BLMH: variants seen among roughly 807,000 people sequenced by gnomAD.
BLMH encodes the protein bleomycin hydrolase.
Under a neutral mutation model 61.6 loss-of-function variants are expected in BLMH, and 32 were observed. The observed-to-expected ratio is 0.52, with a 90% CI of 0.39 to 0.70. The LOEUF (loss-of-function observed/expected upper bound fraction) is 0.70, where lower values mean the gene tolerates loss of function less well. Among genes scored for constraint, BLMH ranks in the 30% least tolerant of loss-of-function variants. The pLI, the probability that BLMH is intolerant of heterozygous loss-of-function variation, is 0.00. For missense variants in BLMH, 460 were observed against 555.5 expected, an observed-to-expected ratio of 0.83 and a Z score of 1.73; for synonymous variants, 183 against 193.8, an observed-to-expected ratio of 0.94 and a Z score of 0.46.
chr17:30,262,475 A>T (rs995363036), intron 11 of BLMH, among the ~76,000 whole-genome samples: 3 of 152,188 alleles, frequency 2.0e-5, no homozygotes, highest in Admixed American at 2.0e-4. Context: ...TATATGTTTA[A>T]AATTGTCCAA....
At chr17:30,251,618 C>T (rs1014822163) in intron 11 of BLMH, among the ~76,000 whole-genome samples, 2 of 152,192 alleles carry the variant, frequency 1.3e-5, no homozygotes, top group African/African-American at 2.4e-5. Context: ...ACCAAGAGAA[C>T]GGAGAAGTAG....
chr17:30,277,857 C>A (rs2143024563), intron 6 of BLMH, among the ~76,000 whole-genome samples: 1 of 152,128 alleles, frequency 6.6e-6, no homozygotes, highest in African/African-American at 2.4e-5. Flanking sequence ...AATGCTTATG[C>A]CCTTCACATA....
At chr17:30,277,403 G>C (rs1040543922) in intron 6 of BLMH, among the ~76,000 whole-genome samples, 5 of 152,180 alleles carry the variant, frequency 3.3e-5, no homozygotes, top group Admixed American at 6.5e-5. Context: ...ATTGCCACTG[G>C]TAACTATGGT....
chr17:30,248,861 G>A lies in BLMH; in HGVS notation c.*156C>T. 2 of 890,894 alleles carry A rather than the reference G, an allele frequency of 2.2e-6. No individual in the cohort carries two copies. Among genetic ancestry groups the A allele is most frequent in the Admixed American group, 2.6e-5 (1 of 37,922 alleles). The allele number at this position is 890,894 out of a possible 1,614,324, so 55.2% of individuals were successfully genotyped here. ...TAACAGTATTCTGTTTCAGCATAAA[G>A]CACACTTTCTGAAGAGGTTCCTGGT... On this transcript the variant is annotated 3_prime_UTR_variant, in exon 12 of 12. Transcript: ENST00000261714.
chr17:30,274,900 G>C (rs1908374842), intron 6 of BLMH, among the ~76,000 whole-genome samples: 1 of 152,022 alleles, frequency 6.6e-6, no homozygotes, highest in Non-Finnish European at 1.5e-5. Context: ...GATCGCTTGA[G>C]CCCAGGAGGC....
intron 11 of BLMH, among the ~76,000 whole-genome samples, chr17:30,257,093 C>T (rs916992459): frequency 3.9e-5 from 6 of 152,234 alleles, no homozygotes; most frequent in East Asian, 3.8e-4. Flanking sequence ...TATAGATACA[C>T]AGTACTTACA....
At chr17:30,276,181 T>C (rs1908419940) in intron 6 of BLMH, among the ~76,000 whole-genome samples, 1 of 152,150 alleles carries the variant, frequency 6.6e-6, no homozygotes, top group Admixed American at 6.5e-5. Flanking sequence ...GGCTACAGGA[T>C]TTAAAAAGGG....
At chr17:30,269,630 A>G (rs1468737503) in intron 10 of BLMH, among the ~76,000 whole-genome samples, 1 of 152,162 alleles carries the variant, frequency 6.6e-6, no homozygotes, top group Non-Finnish European at 1.5e-5. Context: ...TATACTCCAC[A>G]CATTCTCCTG....
chr17:30,284,128 A>C (rs1597666947), intron 6 of BLMH, among the ~76,000 whole-genome samples: 1 of 152,350 alleles, frequency 6.6e-6, no homozygotes, highest in Admixed American at 6.5e-5. Flanking sequence ...TTCCTACTAT[A>C]CTAAGATGCC....
chr17:30,277,279 A>T (rs1019108734), intron 6 of BLMH, among the ~76,000 whole-genome samples: 1 of 152,174 alleles, frequency 6.6e-6, no homozygotes, highest in African/African-American at 2.4e-5. Context: ...ACCGTAATTG[A>T]GTTACTCTAG....
intron 11 of BLMH, among the ~76,000 whole-genome samples, chr17:30,264,567 C>T (rs953845476): frequency 6.6e-6 from 1 of 152,192 alleles, no homozygotes; most frequent in Non-Finnish European, 1.5e-5. Flanking sequence ...CCTGATTTTA[C>T]AAGTGTTTAT....
chr17:30,265,778 C>T (rs762924471), intron 11 of BLMH, among the ~76,000 whole-genome samples: 1 of 152,190 alleles, frequency 6.6e-6, no homozygotes, highest in Non-Finnish European at 1.5e-5. Flanking sequence ...CATGAATCTA[C>T]ATGCTCACAG....
At position 30,257,204 on chromosome 17, in the gene BLMH, A is replaced by C. The variant is rs1296850361; in HGVS notation, c.1217-8036T>G. Among the ~76,000 whole-genome samples the C allele has an allele frequency of 2.6e-5, 4 of 152,246 alleles. No individual in the cohort carries two copies. The East Asian group carries it at 7.7e-4, about 29-fold the overall frequency. On this transcript the variant is annotated intron_variant, in intron 11 of 11. Transcript: ENST00000261714. ...GCACTGTACATATATATAGTAACCC[A>C]CTGCAATACTGTTTGTAATAGCAAA...
At chr17:30,280,388 A>C (rs1908554301) in intron 6 of BLMH, among the ~76,000 whole-genome samples, 1 of 152,204 alleles carries the variant, frequency 6.6e-6, no homozygotes, top group South Asian at 2.1e-4. Flanking sequence ...GTTTTTGAGA[A>C]AGTAGTACAG....
Position 30,286,876 on chromosome 17 carries a change from ATT to A in BLMH, c.488_489del (p.Lys163MetfsTer4). On this transcript the variant is annotated frameshift_variant, in exon 5 of 12. Coordinates refer to ENST00000261714, the MANE Select transcript of BLMH (RefSeq NM_000386.4). LOFTEE classifies it high-confidence loss of function. The part of the protein sequence containing the change: ...IVEKYGVIPK[K>X]CFPESYTTEA... ...TCTGTTGTATAAGATTCAGGGAAGC[ATT>A]TCTTAGGGATAACACCATATTTTTC... 6.3e-7 allele frequency: 1 copy of A among 1,594,426 alleles called. No homozygotes were observed. The highest frequency in any genetic ancestry group is 8.6e-7 in the Non-Finnish European group (1 of 1,162,498).
In BLMH at chr17:30,285,527, T is replaced by C. The variant is rs374487604; in HGVS notation, c.553-47A>G. The C allele has an allele frequency of 6.7e-6, 10 of 1,493,866 alleles. No individual in the cohort carries two copies. In the African/African-American group the frequency reaches 7.0e-5, roughly 10 times the overall value. 92.5% of individuals were successfully genotyped at this position (1,493,866 alleles called of 1,614,324 possible). A position where few individuals can be genotyped will look rare whatever the true frequency, so the allele number is the denominator to read the frequency against. ...CACTCCAACAGTTACCCGAATTCAATTGTAAATGACTCTCATAGACCAACG... is the reference window on the plus strand; with the variant it reads ...CACTCCAACAGTTACCCGAATTCAACTGTAAATGACTCTCATAGACCAACG... On this transcript the variant is annotated intron_variant, in intron 5 of 11. Transcript: ENST00000261714.
intron 11 of BLMH, 65 bp from the exon 12 acceptor site, chr17:30,249,233 T>C (rs773596789): frequency 4.6e-5 from 71 of 1,542,508 alleles, no homozygotes; most frequent in Non-Finnish European, 1.4e-5. Flanking sequence ...AAACCCTTTT[T>C]GTAGGATAAA....
chr17:30,275,033 A>G (rs1217656092), intron 6 of BLMH, among the ~76,000 whole-genome samples: 1 of 147,982 alleles, frequency 6.8e-6, no homozygotes, highest in Non-Finnish European at 1.5e-5. Context: ...GGGCTGAGTC[A>G]TGGTTTAAAA....
intron 2 of BLMH, chr17:30,291,075 CGT>C: frequency 1.8e-6 from 1 of 560,788 alleles, no homozygotes; most frequent in Middle Eastern, 4.8e-4. Flanking sequence ...TACACTCAAA[CGT>C]ATACTCATGG....
Sources: allele counts gnomAD v4.1 joint callset (sites outside exome capture counted in the v4.1 genomes callset), GRCh38; gene constraint gnomAD v4.1.1; transcripts MANE v1.5; gene names NCBI Gene and HGNC (gene_info 2026-07-23, HGNC 2026-07-21).